Variants in RELN observed in about 807,000 individuals in gnomAD.
The protein encoded by RELN is reelin.
RELN carries 108 observed loss-of-function variants against 427.6 expected under a neutral mutation model. The ratio of observed to expected loss-of-function variants is 0.25; its 90% CI spans 0.22 to 0.30. RELN has a LOEUF of 0.30. Among genes scored for constraint, RELN ranks in the 10% least tolerant of loss-of-function variants. RELN has a pLI of 1.00. For missense variants in RELN, 3,715 were observed against 4,302.8 expected, an observed-to-expected ratio of 0.86 and a Z score of 3.82; for synonymous variants, 1,524 against 1,513.4, an observed-to-expected ratio of 1.01 and a Z score of -0.16.
intron 2 of RELN, among the ~76,000 whole-genome samples, chr7:103,913,555 G>A (rs2058504): frequency 0.24 from 35,817 of 151,978 alleles, 4,935 homozygotes; most frequent in African/African-American, 0.37. Context: ...CTAACTACCA[G>A]AAAGCAGCAA....
chr7:103,594,582 G>GA (rs1214901042), intron 25 of RELN, 90 bp from the exon 26 acceptor site: 1 of 1,373,480 alleles, frequency 7.3e-7, no homozygotes, highest in Non-Finnish European at 1.0e-6. Flanking sequence ...AACAACAAGA[G>GA]AAAAGTTTTG....
At chr7:103,668,741 C>T (rs1833325890) in intron 11 of RELN, among the ~76,000 whole-genome samples, 1 of 152,114 alleles carries the variant, frequency 6.6e-6, no homozygotes, top group Admixed American at 6.5e-5. Flanking sequence ...TAACCAGGAG[C>T]CTCTCTTGAC....
chr7:103,796,458 A>G (rs1300883356), intron 3 of RELN, among the ~76,000 whole-genome samples: 1 of 152,196 alleles, frequency 6.6e-6, no homozygotes, highest in East Asian at 1.9e-4. Flanking sequence ...TTTGTCTTTC[A>G]GTATCATTTG....
intron 6 of RELN, among the ~76,000 whole-genome samples, chr7:103,743,582 T>G (rs1330296690): frequency 7.2e-5 from 11 of 151,732 alleles, no homozygotes; most frequent in Non-Finnish European, 1.0e-4. Context: ...ACCAAGCAAA[T>G]GGAAAACCAA....
chr7:103,493,658 G>T (rs931262995), intron 57 of RELN, among the ~76,000 whole-genome samples: 1 of 152,112 alleles, frequency 6.6e-6, no homozygotes, highest in Admixed American at 6.6e-5. Context: ...CATTTAGAGG[G>T]CTGAGGGGAG....
intron 3 of RELN, among the ~76,000 whole-genome samples, chr7:103,825,102 A>G (rs1793103220): frequency 6.6e-6 from 1 of 152,086 alleles, no homozygotes; most frequent in African/African-American, 2.4e-5. Flanking sequence ...TGGGGTTTCA[A>G]ATTCCATTAA....
intron 10 of RELN, among the ~76,000 whole-genome samples, chr7:103,686,809 T>C (rs572637829): frequency 6.6e-6 from 1 of 152,330 alleles, no homozygotes; most frequent in African/African-American, 2.4e-5. Flanking sequence ...TTTCATGCTA[T>C]ATTAAAAGAA....
chr7:103,710,201 A>G (rs1057445613), intron 8 of RELN, among the ~76,000 whole-genome samples: 1 of 152,200 alleles, frequency 6.6e-6, no homozygotes, highest in Non-Finnish European at 1.5e-5. Context: ...TCTGATGGCC[A>G]TATTTTATAA....
rs1831737067 is a variant in RELN at position 103,603,796 on chromosome 7, G to C, written c.3147-306C>G. Among the ~76,000 whole-genome samples the C allele has an allele frequency of 6.6e-6, 1 of 152,144 alleles. No homozygotes were observed. Among genetic ancestry groups the C allele is most frequent in the Non-Finnish European group, 1.5e-5 (1 of 68,016 alleles). Reference sequence around the variant, plus strand: ...AGTGTGTGTTTGTGGGGGGCTGAGGGATAGTGGGATTTCCCTATTGCCTTA... The same window carrying C: ...AGTGTGTGTTTGTGGGGGGCTGAGGCATAGTGGGATTTCCCTATTGCCTTA... On this transcript the variant is annotated intron_variant, in intron 23 of 64. Transcript: ENST00000428762. This position sits in a 1 kb window ranked among gnomAD's most constrained non-coding sequence, Gnocchi z 4.3.
At chr7:103,677,495 G>A (rs1173844555) in intron 11 of RELN, among the ~76,000 whole-genome samples, 12 of 145,194 alleles carry the variant, frequency 8.3e-5, no homozygotes, top group African/African-American at 3.0e-4. Flanking sequence ...GCCGGGCACG[G>A]TGGCTCATGC....
intron 1 of RELN, among the ~76,000 whole-genome samples, chr7:103,979,402 A>C (rs1479141288): frequency 6.6e-6 from 1 of 152,200 alleles, no homozygotes; most frequent in Non-Finnish European, 1.5e-5. Flanking sequence ...TCTAGAGCTG[A>C]GCTCTGCCCT....
chr7:103,789,497 AC>A (rs1484877385), intron 3 of RELN, among the ~76,000 whole-genome samples: 5 of 152,242 alleles, frequency 3.3e-5, no homozygotes, highest in African/African-American at 9.6e-5. Context: ...CAAGAAAAAA[AC>A]AACCCCATCA....
At chr7:103,773,099 CTTTT>C (rs1195396926) in intron 4 of RELN, among the ~76,000 whole-genome samples, 19 of 127,070 alleles carry the variant, frequency 1.5e-4, no homozygotes, top group African/African-American at 2.9e-4. Flanking sequence ...TGGTTCTCCT[CTTTT>C]CTTTCTTTCT....
chr7:103,558,128 T>G (rs547884402), intron 36 of RELN, 79 bp from the exon 37 acceptor site: 2 of 738,302 alleles, frequency 2.7e-6, no homozygotes, highest in Non-Finnish European at 5.0e-6. Context: ...ACACCTAACT[T>G]GCATTAGCTA....
At chr7:103,482,719 C>T in intron 63 of RELN, 154 bp downstream of exon 63, 1 of 1,491,262 alleles carries the variant, frequency 6.7e-7, no homozygotes, top group South Asian at 1.2e-5. Context: ...ATGATTTGAG[C>T]TATAGCTTGC....
At chr7:103,676,901 AG>A (rs1340907710) in intron 11 of RELN, among the ~76,000 whole-genome samples, 1 of 151,264 alleles carries the variant, frequency 6.6e-6, no homozygotes, top group Non-Finnish European at 1.5e-5. Context: ...GGGTGGGAGC[AG>A]GGGGGAGGGA....
intron 16 of RELN, among the ~76,000 whole-genome samples, chr7:103,641,891 C>A (rs1832701409): frequency 1.3e-5 from 2 of 152,076 alleles, no homozygotes; most frequent in African/African-American, 2.4e-5. Flanking sequence ...GGAAGATATG[C>A]TCTAAGAGAT....
intron 2 of RELN, among the ~76,000 whole-genome samples, chr7:103,875,054 C>A (rs1794446036): frequency 6.9e-6 from 1 of 145,482 alleles, no homozygotes; most frequent in Admixed American, 6.9e-5. Flanking sequence ...AATAACGCCG[C>A]ATACCTACAA....
intron 2 of RELN, among the ~76,000 whole-genome samples, chr7:103,904,086 A>T (rs1379997051): frequency 6.6e-6 from 1 of 152,090 alleles, no homozygotes. Flanking sequence ...ACTCCCACTT[A>T]TAAGTGAGAA....
Sources: allele counts gnomAD v4.1 joint callset (sites outside exome capture counted in the v4.1 genomes callset), GRCh38; gene constraint gnomAD v4.1.1; non-coding constraint Gnocchi (gnomAD v3.1); transcripts MANE v1.5; gene names NCBI Gene and HGNC (gene_info 2026-07-23, HGNC 2026-07-21).